The following MRLN variants were observed in gnomAD, a reference collection of about 807,000 sequenced individuals.
MRLN encodes the protein Linc-RNA activator of myogenesis.
At chr10:59,738,751 A>G (rs1840949446) in intron 1 of MRLN, 189 bp from the exon 2 acceptor site, 1 of 152,218 alleles carries the variant, frequency 6.6e-6, no homozygotes, top group South Asian at 2.1e-4. Flanking sequence ...AGAGCTTAAA[A>G]CTGAACATTG....
At chr10:59,744,562 G>A (rs1232294197) in intron 1 of MRLN, among the ~76,000 whole-genome samples, 2 of 151,900 alleles carry the variant, frequency 1.3e-5, no homozygotes, top group Admixed American at 6.6e-5. Context: ...CGCCCCTACT[G>A]GGAAGTGAGG....
At chr10:59,749,145 G>A (rs1052209179) in intron 1 of MRLN, among the ~76,000 whole-genome samples, 1 of 152,198 alleles carries the variant, frequency 6.6e-6, no homozygotes, top group East Asian at 1.9e-4. Context: ...CTGTCTTGTG[G>A]GGGGTTGAAA....
intron 1 of MRLN, among the ~76,000 whole-genome samples, chr10:59,751,090 G>A (rs954385262): frequency 2.6e-5 from 4 of 152,140 alleles, no homozygotes; most frequent in Non-Finnish European, 5.9e-5. Context: ...ATTCACTGGT[G>A]GCAATGTCTT....
At chr10:59,744,080 G>A (rs954422081) in intron 1 of MRLN, 7 of 172,134 alleles carry the variant, frequency 4.1e-5, no homozygotes, top group Non-Finnish European at 8.3e-5. Flanking sequence ...CTGCCCGGCC[G>A]CCACCCCGTC....
intron 1 of MRLN, among the ~76,000 whole-genome samples, chr10:59,748,241 A>G (rs1841062812): frequency 6.6e-6 from 1 of 152,290 alleles, no homozygotes; most frequent in African/African-American, 2.4e-5. Flanking sequence ...GCCCTCACTA[A>G]ACTCAAATTC....
intron 1 of MRLN, among the ~76,000 whole-genome samples, chr10:59,744,421 C>G (rs987005854): frequency 4.0e-5 from 6 of 151,842 alleles, no homozygotes; most frequent in African/African-American, 1.5e-4. Context: ...ACCCCCTCCG[C>G]CCGGCAGCTG....
At chr10:59,746,068 T>C (rs1483718489) in intron 1 of MRLN, among the ~76,000 whole-genome samples, 1 of 152,228 alleles carries the variant, frequency 6.6e-6, no homozygotes, top group Non-Finnish European at 1.5e-5. Flanking sequence ...ATGAATATAC[T>C]TTGCAAAGTC....
intron 1 of MRLN, among the ~76,000 whole-genome samples, chr10:59,749,030 G>A (rs1427448485): frequency 6.6e-6 from 1 of 152,162 alleles, no homozygotes; most frequent in African/African-American, 2.4e-5. Context: ...TGAACCAGAT[G>A]GAACCAGTTT....
At chr10:59,737,561 T>C (rs983940523) in intron 2 of MRLN, among the ~76,000 whole-genome samples, 1 of 151,686 alleles carries the variant, frequency 6.6e-6, no homozygotes, top group African/African-American at 2.4e-5. Flanking sequence ...TTTATTGGCA[T>C]TGGTGAAGCT....
At chr10:59,743,153 A>T (rs79321204) in intron 1 of MRLN, among the ~76,000 whole-genome samples, 2,290 of 152,190 alleles carry the variant, frequency 0.015, 31 homozygotes, top group Non-Finnish European at 0.025. Context: ...GGTGGAAGGA[A>T]TTTGGGTGAT....
intron 1 of MRLN, among the ~76,000 whole-genome samples, chr10:59,743,954 C>T (rs1841012251): frequency 6.6e-6 from 1 of 152,232 alleles, no homozygotes; most frequent in Admixed American, 6.5e-5. Context: ...CGGAGTCTGG[C>T]TCACTCAGTG....
In MRLN at chr10:59,737,507, G is replaced by A. The variant is rs1417220114; in HGVS notation, c.-20-287C>T. 6.6e-5 allele frequency among the ~76,000 whole-genome samples: 10 copies of A among 151,942 alleles called. No individual in the cohort carries two copies. In the South Asian group the frequency reaches 1.9e-3, roughly 28 times the overall value. On this transcript the variant is annotated intron_variant, in intron 2 of 2. Coordinates refer to ENST00000414264, the MANE Select transcript of MRLN (RefSeq NM_001304731.2). ...TGGCCATTCCCTTTTCATGTTATCTGTAGTAAGTTTATTTATCAAGTATCT... is the reference window on the plus strand; with the variant it reads ...TGGCCATTCCCTTTTCATGTTATCTATAGTAAGTTTATTTATCAAGTATCT...
At chr10:59,743,125 C>T (rs1240354556) in intron 1 of MRLN, among the ~76,000 whole-genome samples, 1 of 152,000 alleles carries the variant, frequency 6.6e-6, no homozygotes, top group Non-Finnish European at 1.5e-5. Context: ...TCAATAGTGG[C>T]CATAGTTGTG....
intron 1 of MRLN, among the ~76,000 whole-genome samples, chr10:59,740,460 T>C (rs955686843): frequency 1.3e-5 from 2 of 152,164 alleles, no homozygotes; most frequent in Non-Finnish European, 2.9e-5. Flanking sequence ...ATGCATGCTA[T>C]TGTCCCTGAA....
intron 1 of MRLN, chr10:59,739,022 C>G (rs975736199): frequency 6.6e-6 from 1 of 151,854 alleles, no homozygotes; most frequent in African/African-American, 2.4e-5. Context: ...ACTCAGGAGG[C>G]CAAGGTAGGA....
At chr10:59,749,299 G>A (rs1025078985) in intron 1 of MRLN, among the ~76,000 whole-genome samples, 9 of 152,306 alleles carry the variant, frequency 5.9e-5, no homozygotes, top group South Asian at 4.1e-4. Context: ...GCTGTCCAAC[G>A]TTACACACGT....
At chr10:59,749,578 C>T (rs893566864) in intron 1 of MRLN, among the ~76,000 whole-genome samples, 8 of 152,072 alleles carry the variant, frequency 5.3e-5, no homozygotes, top group Admixed American at 1.3e-4. Context: ...CCTGTAGTCT[C>T]AGCTACTCAG....
chr10:59,737,746 A>G (rs1840939554), intron 2 of MRLN, among the ~76,000 whole-genome samples: 1 of 151,792 alleles, frequency 6.6e-6, no homozygotes, highest in African/African-American at 2.4e-5. Context: ...TTTCCTCCAC[A>G]TTTCTGTATT....
At chr10:59,745,371 A>G (rs1841032912) in intron 1 of MRLN, among the ~76,000 whole-genome samples, 1 of 152,152 alleles carries the variant, frequency 6.6e-6, no homozygotes, top group African/African-American at 2.4e-5. Flanking sequence ...TCTCCAACGT[A>G]ATGTTTTAAC....
Sources: gnomAD v4.1 joint callset for allele counts (sites outside exome capture counted in the v4.1 genomes callset) on GRCh38, gnomAD v4.1.1 for gene constraint, MANE v1.5 for transcripts, NCBI Gene and HGNC (gene_info 2026-07-23, HGNC 2026-07-21) for gene names.